CDK17: variants seen among roughly 807,000 people sequenced by gnomAD.
CDK17 encodes cyclin dependent kinase 17, also known as cyclin-dependent kinase 17.
In CDK17, 24 loss-of-function variants were observed where a neutral mutation model predicts 77.6. The observed-to-expected ratio is 0.31, with a 90% CI of 0.22 to 0.44. CDK17 has a LOEUF of 0.44. Ranked by LOEUF, CDK17 falls within the 20% of genes least tolerant of loss-of-function variation. CDK17 has a pLI of 1.00. For missense variants in CDK17, 429 were observed against 622.5 expected (o/e 0.69, Z 3.31); for synonymous variants, 203 against 210.4 (o/e 0.96, Z 0.30).
At chr12:96,379,852 T>G (rs1337258758) in intron 1 of CDK17, among the ~76,000 whole-genome samples, 2 of 152,126 alleles carry the variant, frequency 1.3e-5, no homozygotes, top group African/African-American at 2.4e-5. Context: ...AAACACACAT[T>G]TCCAAGTGCT....
chr12:96,280,180 A>C lies in CDK17; in HGVS notation c.*62T>G. 6.7e-7 allele frequency: 1 copy of C among 1,499,908 alleles called. No homozygotes were observed. The highest frequency in any genetic ancestry group is 9.0e-7 in the Non-Finnish European group (1 of 1,111,318). 92.9% of individuals were successfully genotyped at this position (1,499,908 alleles called of 1,614,324 possible). On this transcript the variant is annotated 3_prime_UTR_variant, in exon 17 of 17. Coordinates refer to ENST00000261211, the MANE Select transcript of CDK17 (RefSeq NM_002595.5). ...TCCACCAAAAGAAATAATTGCCTTC[A>C]GTTCTGAGTCCTTGATTGGTAAGAA...
At position 96,280,190 on chromosome 12, in the gene CDK17, C is replaced by T; in HGVS notation, c.*52G>A. 6.5e-7 allele frequency: 1 copy of T among 1,537,408 alleles called. No homozygotes were observed. Among genetic ancestry groups the T allele is most frequent in the South Asian group, 1.2e-5 (1 of 82,480 alleles). On this transcript the variant is annotated 3_prime_UTR_variant, in exon 17 of 17. Coordinates refer to ENST00000261211, the MANE Select transcript of CDK17 (RefSeq NM_002595.5). The stretch of plus-strand genomic sequence containing the variant: ...GAAATAATTGCCTTCAGTTCTGAGT[C>T]CTTGATTGGTAAGAAAGGCTGGGGG...
Position 96,375,269 on chromosome 12 carries a change from A to G in CDK17, c.-30+24717T>C, listed in dbSNP as rs150460412. ...AGTTTGACCAGTCCTTCATTATCCT[A>G]AACACATTTTCCTTGGCTTCTCTAT... On this transcript the variant is annotated intron_variant, in intron 1 of 16. Coordinates refer to ENST00000261211, the MANE Select transcript of CDK17 (RefSeq NM_002595.5). Among the ~76,000 whole-genome samples, 43 of 152,166 alleles carry G rather than the reference A, an allele frequency of 2.8e-4. 1 individual carries two copies. The East Asian group carries it at 8.1e-3, about 29-fold the overall frequency.
intron 5 of CDK17, among the ~76,000 whole-genome samples, chr12:96,301,757 T>C (rs1952508900): frequency 2.0e-5 from 3 of 152,140 alleles, no homozygotes; most frequent in Admixed American, 2.0e-4. Flanking sequence ...AAATACGCAA[T>C]TTTCCTTGGA....
chr12:96,393,282 T>C (rs1178412955), intron 1 of CDK17, among the ~76,000 whole-genome samples: 1 of 135,064 alleles, frequency 7.4e-6, no homozygotes, highest in Non-Finnish European at 1.5e-5. Context: ...GGAGAATCGC[T>C]TGAACCCGGG....
chr12:96,377,113 T>C (rs528773838), intron 1 of CDK17, among the ~76,000 whole-genome samples: 35 of 152,266 alleles, frequency 2.3e-4, no homozygotes, highest in Non-Finnish European at 4.6e-4. Flanking sequence ...AAGCAAGGGG[T>C]AAGCATTTAA....
At chr12:96,290,153 A>C (rs539828029) in intron 10 of CDK17, among the ~76,000 whole-genome samples, 2 of 152,328 alleles carry the variant, frequency 1.3e-5, no homozygotes, top group South Asian at 4.1e-4. Context: ...GCTTGCTGTA[A>C]GTGATATAAA....
chr12:96,286,639 A>C lies in CDK17; in HGVS notation c.1216+25T>G, dbSNP rs371843239. ...GCTAGTCAATTATGGGTGCAAAATC[A>C]CTGGGAAAAGATTTCTTCTGTTACC... On this transcript the variant is annotated intron_variant, in intron 12 of 16. Coordinates refer to ENST00000261211, the MANE Select transcript of CDK17 (RefSeq NM_002595.5). The C allele has an allele frequency of 1.2e-4, 181 of 1,556,130 alleles. 1 individual carries two copies. In the Middle Eastern group the frequency reaches 4.0e-3, roughly 35 times the overall value.
intron 1 of CDK17, among the ~76,000 whole-genome samples, chr12:96,385,917 T>C (rs1239628442): frequency 6.6e-6 from 1 of 151,770 alleles, no homozygotes; most frequent in Admixed American, 6.6e-5. Context: ...CAATTATACA[T>C]AAAATTAAGA....
At chr12:96,301,241 C>CAAAAA (rs376295045) in intron 5 of CDK17, among the ~76,000 whole-genome samples, 77 of 85,130 alleles carry the variant, frequency 9.0e-4, no homozygotes, top group East Asian at 1.8e-3. Flanking sequence ...AACACTCGGC[C>CAAAAA]AAAAAAAAAA....
In CDK17 at chr12:96,356,284, G is replaced by A. The variant is rs914733171; in HGVS notation, c.-29-21419C>T. ...TTTACATGAAAACTGTTTGAGCCAT[G>A]TGACAACATATATAAAATTTATTTA... On this transcript the variant is annotated intron_variant, in intron 1 of 16. Transcript: ENST00000261211. Among the ~76,000 whole-genome samples, 3 of 152,274 alleles carry A rather than the reference G, an allele frequency of 2.0e-5. No homozygotes were observed. In the East Asian group the frequency reaches 5.8e-4, roughly 29 times the overall value.
At chr12:96,389,633 A>T (rs1411933185) in intron 1 of CDK17, among the ~76,000 whole-genome samples, 1 of 152,220 alleles carries the variant, frequency 6.6e-6, no homozygotes, top group Non-Finnish European at 1.5e-5. Flanking sequence ...CAAAAGCTCA[A>T]TACAAAAAGT....
chr12:96,358,606 G>A (rs1046014484), intron 1 of CDK17, among the ~76,000 whole-genome samples: 10 of 152,192 alleles, frequency 6.6e-5, no homozygotes, highest in African/African-American at 2.4e-4. Context: ...TGGATCACCT[G>A]AGGTCAGGAG....
intron 1 of CDK17, among the ~76,000 whole-genome samples, chr12:96,350,182 A>T (rs556983615): frequency 5.3e-4 from 80 of 152,196 alleles, no homozygotes; most frequent in Non-Finnish European, 1.0e-3. Context: ...TATGATGTCA[A>T]CATTATCCAA....
chr12:96,312,981 A>G (rs1461628848), intron 4 of CDK17, among the ~76,000 whole-genome samples: 2 of 152,236 alleles, frequency 1.3e-5, no homozygotes, highest in African/African-American at 4.8e-5. Flanking sequence ...GTATTTTCTA[A>G]AAAGAAGACA....
intron 5 of CDK17, among the ~76,000 whole-genome samples, chr12:96,307,659 T>G (rs1592717485): frequency 6.6e-6 from 1 of 151,890 alleles, no homozygotes; most frequent in Non-Finnish European, 1.5e-5. Context: ...TCACTTGAGG[T>G]CAGGAATTCA....
Position 96,334,688 on chromosome 12 carries a change from G to A in CDK17, c.118+31C>T, listed in dbSNP as rs371384046. 56 of 1,101,938 alleles carry A rather than the reference G, an allele frequency of 5.1e-5. 1 individual carries two copies. Among genetic ancestry groups the A allele is most frequent in the Non-Finnish European group, 7.3e-5 (53 of 721,994 alleles). 68.3% of individuals were successfully genotyped at this position (1,101,938 alleles called of 1,614,324 possible). A position where few individuals can be genotyped will look rare whatever the true frequency, so the allele number is the denominator to read the frequency against. On this transcript the variant is annotated intron_variant, in intron 2 of 16. Coordinates refer to ENST00000261211, the MANE Select transcript of CDK17 (RefSeq NM_002595.5). ...TCTATTCATAAAGTAATTAAAAGGA[G>A]GAAGCATCTCCCCCTATGCCAAATA...
intron 1 of CDK17, among the ~76,000 whole-genome samples, chr12:96,385,815 T>C (rs920836392): frequency 1.3e-5 from 2 of 152,084 alleles, no homozygotes; most frequent in African/African-American, 2.4e-5. Context: ...ACCATACAGA[T>C]AGGAAACAGT....
chr12:96,286,075 A>G lies in CDK17; in HGVS notation c.1290T>C (p.Tyr430=), dbSNP rs146214342. ...EEFKNYNFPK[Y]KPQPLINHAP... is the part of the protein sequence containing the mutation. Reference sequence around the variant, plus strand: ...CGTGGTTAATTAGAGGCTGTGGTTTATATTTTGGAAAGTTGTAGTTCTTGA... The same window carrying G: ...CGTGGTTAATTAGAGGCTGTGGTTTGTATTTTGGAAAGTTGTAGTTCTTGA... Residue 430 remains tyrosine, a synonymous_variant, in exon 13 of 17, where the codon TAT becomes TAC. Transcript: ENST00000261211. 987 of 1,561,536 alleles carry G rather than the reference A, an allele frequency of 6.3e-4. 8 individuals carry two copies. The African/African-American group carries it at 0.012, about 19-fold the overall frequency.
Sources: gnomAD v4.1 joint callset for allele counts (sites outside exome capture counted in the v4.1 genomes callset) on GRCh38, gnomAD v4.1.1 for gene constraint, MANE v1.5 for transcripts, NCBI Gene and HGNC (gene_info 2026-07-23, HGNC 2026-07-21) for gene names.